SMURF1: variants seen among roughly 807,000 people sequenced by gnomAD.
The protein encoded by SMURF1 is E3 ubiquitin-protein ligase SMURF1.
SMURF1 carries 44 observed loss-of-function variants against 98.0 expected under a neutral mutation model. The ratio of observed to expected loss-of-function variants is 0.45; its 90% CI spans 0.35 to 0.58. The LOEUF (loss-of-function observed/expected upper bound fraction) is 0.58, where lower values mean the gene tolerates loss of function less well. Ranked by LOEUF, SMURF1 falls within the 20% of genes least tolerant of loss-of-function variation. The pLI, the probability that SMURF1 is intolerant of heterozygous loss-of-function variation, is 0.00. For synonymous variants in SMURF1, 396 were observed against 374.9 expected (o/e 1.06, Z -0.65); for missense variants, 687 against 938.4 (o/e 0.73, Z 3.50).
At chr7:99,116,930 TC>T (rs1447578990) in intron 1 of SMURF1, among the ~76,000 whole-genome samples, 1 of 152,192 alleles carries the variant, frequency 6.6e-6, no homozygotes, top group Non-Finnish European at 1.5e-5. Context: ...GACTCACACT[TC>T]CTATTTTAAA....
In SMURF1 at chr7:99,047,693, T is replaced by C. The variant is rs760680872; in HGVS notation, c.1143A>G (p.Glu381=). 1.7e-5 allele frequency: 28 copies of C among 1,614,220 alleles called. 1 individual carries two copies. The South Asian group carries it at 2.9e-4, about 16-fold the overall frequency. The change falls in exon 10 of 18, where the codon GAA becomes GAG. Residue 381 remains glutamate (E), a synonymous_variant. Transcript: ENST00000361368. ...GCCCTGAACTCTCTACCTCAAAGAT[T>C]TCTTCTCTGGACACTTCGATGCGGC... ...GHCRIEVSRE[E]IFEESYRQIM...
chr7:99,096,564 TAAAG>T (rs1277932655), intron 1 of SMURF1, among the ~76,000 whole-genome samples: 2 of 152,070 alleles, frequency 1.3e-5, no homozygotes, highest in Non-Finnish European at 2.9e-5. Flanking sequence ...GTGTGGGAGA[TAAAG>T]AAAGACAGTA....
At chr7:99,121,807 A>G (rs1004228680) in intron 1 of SMURF1, among the ~76,000 whole-genome samples, 4 of 152,206 alleles carry the variant, frequency 2.6e-5, no homozygotes, top group African/African-American at 4.8e-5. Flanking sequence ...GAAACTGTAC[A>G]CATGGTGTAG....
At chr7:99,086,978 A>G (rs781731585) in intron 1 of SMURF1, among the ~76,000 whole-genome samples, 1 of 152,216 alleles carries the variant, frequency 6.6e-6, no homozygotes, top group Non-Finnish European at 1.5e-5. Context: ...CTATTCTGAA[A>G]TTAGAGGGTG....
intron 1 of SMURF1, among the ~76,000 whole-genome samples, chr7:99,100,149 C>A (rs538711469): frequency 6.6e-6 from 1 of 151,536 alleles, no homozygotes; most frequent in African/African-American, 2.4e-5. Flanking sequence ...AATGCTCTGA[C>A]CCCAGAATGC....
At chr7:99,117,798 T>C (rs1476370456) in intron 1 of SMURF1, among the ~76,000 whole-genome samples, 3 of 151,636 alleles carry the variant, frequency 2.0e-5, no homozygotes, top group Admixed American at 6.6e-5. Context: ...AGAATATATA[T>C]GCTGAGCGTG....
At position 99,042,341 on chromosome 7, in the gene SMURF1, A is replaced by G. The variant is rs1409820675; in HGVS notation, c.1257-109T>C. On this transcript the variant is annotated intron_variant, in intron 11 of 17. Transcript: ENST00000361368. ...GTCGCCCAGGCTGGAGTGCAGTGGC[A>G]TGATCTTGGCTCACTGCAACCTCTG... The G allele has an allele frequency of 2.8e-5, 19 of 690,692 alleles. No homozygotes were observed. In the Admixed American group the frequency reaches 3.3e-4, roughly 12 times the overall value. 42.8% of individuals were successfully genotyped at this position (690,692 alleles called of 1,614,324 possible).
At chr7:99,135,499 A>G (rs79161658) in intron 1 of SMURF1, among the ~76,000 whole-genome samples, 1,780 of 152,274 alleles carry the variant, frequency 0.012, 34 homozygotes, top group African/African-American at 0.041. Flanking sequence ...TAGTACACAC[A>G]CTAGCCTCTG....
At chr7:99,136,523 G>A (rs1391912275) in intron 1 of SMURF1, among the ~76,000 whole-genome samples, 2 of 152,112 alleles carry the variant, frequency 1.3e-5, no homozygotes, top group Non-Finnish European at 2.9e-5. Flanking sequence ...ATATCATAAC[G>A]TCTATAAATA....
intron 1 of SMURF1, among the ~76,000 whole-genome samples, chr7:99,123,225 T>C (rs1797680636): frequency 6.6e-6 from 1 of 152,060 alleles, no homozygotes; most frequent in Non-Finnish European, 1.5e-5. Context: ...TAAGCCAAGT[T>C]ATAAATGGCA....
chr7:99,054,918 A>T (rs1187375839), intron 5 of SMURF1, 53 bp from the exon 6 acceptor site: 1 of 1,495,982 alleles, frequency 6.7e-7, no homozygotes, highest in East Asian at 2.3e-5. Flanking sequence ...TTACATAATT[A>T]TAATACAGTG....
rs1389139838 is a variant in SMURF1, at chr7:99,030,383, T to C, written c.*201A>G. 2 of 573,742 alleles carry C rather than the reference T, an allele frequency of 3.5e-6. No homozygotes were observed. Among genetic ancestry groups the C allele is most frequent in the African/African-American group, 3.8e-5 (2 of 53,268 alleles). The allele number at this position is 573,742 out of a possible 1,614,324, so 35.5% of individuals were successfully genotyped here. A position where few individuals can be genotyped will look rare whatever the true frequency, so the allele number is the denominator to read the frequency against. On this transcript the variant is annotated 3_prime_UTR_variant, in exon 18 of 18. Transcript: ENST00000361368. ...GTGATGGAAGTGGGTGGGAGTACTA[T>C]GGTAAAGGAGGGATATATGGGTGGG...
At chr7:99,087,686 C>T (rs1350422961) in intron 1 of SMURF1, among the ~76,000 whole-genome samples, 4 of 152,120 alleles carry the variant, frequency 2.6e-5, no homozygotes, top group Non-Finnish European at 5.9e-5. Flanking sequence ...GCTTCTGCCG[C>T]GCACATTAAA....
chr7:99,116,014 T>C (rs1044202347), intron 1 of SMURF1, among the ~76,000 whole-genome samples: 2 of 152,182 alleles, frequency 1.3e-5, no homozygotes, highest in Non-Finnish European at 2.9e-5. Context: ...ATATCCTTTA[T>C]GAGTACAGAT....
chr7:99,060,570 G>C, intron 3 of SMURF1, 29 bp downstream of exon 3: 1 of 1,529,126 alleles, frequency 6.5e-7, no homozygotes. Flanking sequence ...CTGCCGCTCC[G>C]CATGGGGCTT....
intron 1 of SMURF1, among the ~76,000 whole-genome samples, chr7:99,079,813 A>T (rs1159063412): frequency 6.6e-6 from 1 of 152,184 alleles, no homozygotes; most frequent in East Asian, 1.9e-4. Context: ...TGTATATTAA[A>T]ATGCAGACTT....
chr7:99,125,763 G>C (rs1211255549), intron 1 of SMURF1, among the ~76,000 whole-genome samples: 3 of 152,166 alleles, frequency 2.0e-5, no homozygotes, highest in Non-Finnish European at 2.9e-5. Context: ...TGGATCCCAT[G>C]CTATCCTCAG....
intron 1 of SMURF1, among the ~76,000 whole-genome samples, chr7:99,072,042 G>A (rs989624335): frequency 2.0e-5 from 3 of 151,884 alleles, no homozygotes; most frequent in East Asian, 1.9e-4. Context: ...CTGCACCACC[G>A]CACTCCAGCC....
chr7:99,093,613 CA>C (rs60082842), intron 1 of SMURF1, among the ~76,000 whole-genome samples: 179 of 141,804 alleles, frequency 1.3e-3, no homozygotes, highest in East Asian at 1.8e-3. Context: ...AATTTCCATG[CA>C]AAAAAAAAAA....
Sources: allele counts gnomAD v4.1 joint callset (sites outside exome capture counted in the v4.1 genomes callset), GRCh38; gene constraint gnomAD v4.1.1; transcripts MANE v1.5; gene names NCBI Gene and HGNC (gene_info 2026-07-23, HGNC 2026-07-21).